The following B3GAT1 variants were observed in gnomAD, a reference collection of about 807,000 sequenced individuals.
B3GAT1 encodes the protein galactosylgalactosylxylosylprotein 3-beta-glucuronosyltransferase 1.
B3GAT1 carries 11 observed loss-of-function variants against 28.4 expected under a neutral mutation model. The observed-to-expected ratio is 0.39, with a 90% CI of 0.24 to 0.64. The LOEUF (loss-of-function observed/expected upper bound fraction) is 0.64. B3GAT1 is among the 30% of genes least tolerant of loss of function. The pLI is 0.50. For synonymous variants in B3GAT1, 255 were observed against 223.1 expected (o/e 1.14, Z -1.27); for missense variants, 375 against 491.0 (o/e 0.76, Z 2.23).
Position 134,398,379 on chromosome 11 carries a change from A to G in B3GAT1, c.-281-10439T>C, listed in dbSNP as rs112468423. Among the ~76,000 whole-genome samples the G allele has an allele frequency of 7.1e-3, 1,085 of 152,298 alleles. 15 individuals carry two copies. Among genetic ancestry groups the G allele is most frequent in the African/African-American group, 0.025 (1,025 of 41,542 alleles). Reference sequence around the variant, plus strand: ...CGGATCCTGGAACATAGATGGGGTGAGGCCAAGAGGCCAGTTCTACTCTCT... The same window carrying G: ...CGGATCCTGGAACATAGATGGGGTGGGGCCAAGAGGCCAGTTCTACTCTCT... On this transcript the variant is annotated intron_variant, in intron 1 of 5. Transcript: ENST00000312527.
At chr11:134,397,408 C>T (rs1438024155) in intron 1 of B3GAT1, among the ~76,000 whole-genome samples, 2 of 152,252 alleles carry the variant, frequency 1.3e-5, no homozygotes, top group Non-Finnish European at 2.9e-5. Context: ...CTCCTGTTCC[C>T]TGGCCATCTC....
At chr11:134,397,166 C>T (rs1944521124) in intron 1 of B3GAT1, among the ~76,000 whole-genome samples, 1 of 152,220 alleles carries the variant, frequency 6.6e-6, no homozygotes, top group African/African-American at 2.4e-5. Context: ...AGGGCTCCAT[C>T]CCCTAATCCT....
intron 2 of B3GAT1, chr11:134,384,468 T>C: frequency 2.2e-6 from 1 of 458,238 alleles, no homozygotes; most frequent in Admixed American, 3.8e-5. Flanking sequence ...TATTCCAAGA[T>C]TGCATCCTCA....
rs1349814179 is a variant in B3GAT1, at chr11:134,393,684, TGCTGTGAACAG to T, written c.-281-5755_-281-5745del. Among the ~76,000 whole-genome samples, 6 of 152,174 alleles carry T rather than the reference TGCTGTGAACAG, an allele frequency of 3.9e-5. No homozygotes were observed. Among genetic ancestry groups the T allele is most frequent in the Non-Finnish European group, 8.8e-5 (6 of 68,028 alleles). ...TGACAGTAGCAAGCGAGACGGTGAG[TGCTGTGAACAG>T]GCTGGGAACCGGCGTCACTGACTCT... On this transcript the variant is annotated intron_variant, in intron 1 of 5. Coordinates refer to ENST00000312527, the MANE Select transcript of B3GAT1 (RefSeq NM_054025.3). This position sits in a 1 kb window ranked among gnomAD's most constrained non-coding sequence, Gnocchi z 4.0.
chr11:134,395,825 T>C (rs1944494510), intron 1 of B3GAT1, among the ~76,000 whole-genome samples: 2 of 152,332 alleles, frequency 1.3e-5, no homozygotes, highest in Admixed American at 6.5e-5. Context: ...ACAGCCCCCA[T>C]TGGCTCTCTT....
At chr11:134,381,684 G>A in intron 5 of B3GAT1, 1 of 494,618 alleles carries the variant, frequency 2.0e-6, no homozygotes, top group East Asian at 3.3e-5. Context: ...TGTTTGGAAG[G>A]TGACACCCTC....
rs527681284 is a variant in B3GAT1 at position 134,394,533 on chromosome 11, C to T, written c.-281-6593G>A. Reference sequence around the variant, plus strand: ...GGCCAGAGCCCCCTGACCTTTCATCCCCTGCATGGCCTACCTCAGTGGTCG... The same window carrying T: ...GGCCAGAGCCCCCTGACCTTTCATCTCCTGCATGGCCTACCTCAGTGGTCG... On this transcript the variant is annotated intron_variant, in intron 1 of 5. Coordinates refer to ENST00000312527, the MANE Select transcript of B3GAT1 (RefSeq NM_054025.3). Among the ~76,000 whole-genome samples the T allele has an allele frequency of 5.3e-5, 8 of 152,364 alleles. No individual in the cohort carries two copies. The South Asian group carries it at 1.7e-3, about 32-fold the overall frequency.
At chr11:134,397,536 G>C (rs1179379555) in intron 1 of B3GAT1, among the ~76,000 whole-genome samples, 2 of 151,936 alleles carry the variant, frequency 1.3e-5, no homozygotes, top group East Asian at 1.9e-4. Flanking sequence ...AGAGCCACAG[G>C]GGGGGCCAGA....
rs1944210464 is a variant in B3GAT1, at chr11:134,384,059, T to A, written c.242A>T (p.Asp81Val). 6.2e-7 allele frequency: 1 copy of A among 1,604,754 alleles called. No homozygotes were observed. Among genetic ancestry groups the A allele is most frequent in the Non-Finnish European group, 8.5e-7 (1 of 1,178,630 alleles). The change falls in exon 3 of 6, where the codon GAC becomes GTC. Residue 81 changes from aspartate (D) to valine (V), a missense_variant. Physicochemically the swap from Asp to Val is radical, Grantham distance 152. Transcript: ENST00000312527. ...CACCACGTGGATGGTGGGCAGCGTG[T>A]CGGACCATGGCGGGGGCCGCGTGTA... is the stretch of plus-strand genomic sequence containing the variant. ...YVYTRPPPWS[D>V]TLPTIHVVTP...
In B3GAT1 at chr11:134,404,027, A is replaced by ATT. The variant is rs1438156680; in HGVS notation, c.-282+7779_-282+7780insAA. Among the ~76,000 whole-genome samples the ATT allele has an allele frequency of 5.3e-3, 568 of 106,720 alleles. 12 individuals carry two copies. Among genetic ancestry groups the ATT allele is most frequent in the Middle Eastern group, 0.01 (2 of 196 alleles). The allele number at this position is 106,720 out of a possible 152,430, so 70.0% of individuals were successfully genotyped here. A position where few individuals can be genotyped will look rare whatever the true frequency, so the allele number is the denominator to read the frequency against. The stretch of plus-strand genomic sequence containing the variant: ...TATATATATATATATATATATATAT[A>ATT]TATTTATTATACGTTAAGTTCTAGG... On this transcript the variant is annotated intron_variant, in intron 1 of 5. Coordinates refer to ENST00000312527, the MANE Select transcript of B3GAT1 (RefSeq NM_054025.3).
In B3GAT1 at chr11:134,383,019, G is replaced by C. The variant is rs773707460; in HGVS notation, c.622-13C>G. ...TGGTGCTGCGCATCTACAAGGGGGG[G>C]GTCCAGAGTCAGGGCGCCGGCACTG... On this transcript the variant is annotated splice_polypyrimidine_tract_variant and intron_variant, in intron 3 of 5. Transcript: ENST00000312527. 41 of 1,535,252 alleles carry C rather than the reference G, an allele frequency of 2.7e-5. No individual in the cohort carries two copies. The highest frequency in any genetic ancestry group is 3.8e-5 in the Admixed American group (2 of 52,006).
intron 1 of B3GAT1, among the ~76,000 whole-genome samples, chr11:134,392,571 T>C (rs1944432804): frequency 6.6e-6 from 1 of 152,202 alleles, no homozygotes; most frequent in Non-Finnish European, 1.5e-5. Context: ...AGGGTGTCAC[T>C]ATGCTGTCCA....
chr11:134,388,088 C>T, intron 1 of B3GAT1, 148 bp from the exon 2 acceptor site: 1 of 374,580 alleles, frequency 2.7e-6, no homozygotes, highest in Non-Finnish European at 5.4e-6. Flanking sequence ...TTTTGTCTGC[C>T]TGTTAGAGTG....
At chr11:134,383,060 G>A (rs577584567) in intron 3 of B3GAT1, 54 bp from the exon 4 acceptor site, 115 of 1,478,178 alleles carry the variant, frequency 7.8e-5, no homozygotes, top group Admixed American at 1.7e-4. Context: ...GAGGACGGCC[G>A]CGCGTGCCCA....
rs1490523011 is a variant in B3GAT1, at chr11:134,379,413, C to T, written c.*1349G>A. The T allele has an allele frequency of 3.3e-5, 5 of 152,626 alleles. No individual in the cohort carries two copies. The East Asian group carries it at 5.9e-4, about 18-fold the overall frequency. 9.5% of individuals were successfully genotyped at this position (152,626 alleles called of 1,614,324 possible). A position where few individuals can be genotyped will look rare whatever the true frequency, so the allele number is the denominator to read the frequency against. Reference sequence around the variant, plus strand: ...TGCAGGAGAATGAGCCGGATCACCACTAGAGAGCCCGGCTGGGCCAGGGGG... The same window carrying T: ...TGCAGGAGAATGAGCCGGATCACCATTAGAGAGCCCGGCTGGGCCAGGGGG... On this transcript the variant is annotated 3_prime_UTR_variant, in exon 6 of 6. Transcript: ENST00000312527.
At chr11:134,386,442 G>C (rs554033676) in intron 2 of B3GAT1, 1 of 152,224 alleles carries the variant, frequency 6.6e-6, no homozygotes, top group Non-Finnish European at 1.5e-5. Flanking sequence ...ACAAAGTGCT[G>C]AAGAGCTGGG....
chr11:134,384,383 T>A, intron 2 of B3GAT1, 195 bp from the exon 3 acceptor site: 1 of 676,070 alleles, frequency 1.5e-6, no homozygotes, highest in Non-Finnish European at 2.4e-6. Context: ...GGGAGGGTCC[T>A]AGCTCTGATG....
intron 1 of B3GAT1, among the ~76,000 whole-genome samples, chr11:134,395,876 C>T (rs890134554): frequency 7.9e-5 from 12 of 152,138 alleles, no homozygotes; most frequent in African/African-American, 2.9e-4. Context: ...CAGAAGGCTG[C>T]GAAGTATTGG....
At chr11:134,397,512 C>T (rs1044119956) in intron 1 of B3GAT1, among the ~76,000 whole-genome samples, 1 of 152,100 alleles carries the variant, frequency 6.6e-6, no homozygotes, top group Non-Finnish European at 1.5e-5. Flanking sequence ...GAGGGCAGTG[C>T]CCCATTCCCA....
Sources: allele counts gnomAD v4.1 joint callset (sites outside exome capture counted in the v4.1 genomes callset), GRCh38; gene constraint gnomAD v4.1.1; non-coding constraint Gnocchi (gnomAD v3.1); transcripts MANE v1.5; gene names NCBI Gene and HGNC (gene_info 2026-07-23, HGNC 2026-07-21).